The following CNOT2 variants were observed in gnomAD, a reference collection of about 807,000 sequenced individuals.
CNOT2 encodes the protein CCR4-NOT transcription complex subunit 2.
In CNOT2, 7 loss-of-function variants were observed where a neutral mutation model predicts 72.1. The observed-to-expected ratio is 0.10, with a 90% confidence interval of 0.06 to 0.18. The LOEUF (loss-of-function observed/expected upper bound fraction) is 0.18. CNOT2 is among the 10% of genes least tolerant of loss of function. CNOT2 has a pLI of 1.00. For missense variants in CNOT2, 345 were observed against 660.3 expected (o/e 0.52, Z 5.23); for synonymous variants, 196 against 225.6 (o/e 0.87, Z 1.17).
At chr12:70,327,254 G>A (rs1375515438) in intron 4 of CNOT2, among the ~76,000 whole-genome samples, 1 of 151,690 alleles carries the variant, frequency 6.6e-6, no homozygotes, top group African/African-American at 2.4e-5. Context: ...AAACTGATAG[G>A]TATGACGATG....
At chr12:70,265,615 C>CT (rs1425419526) in intron 1 of CNOT2, among the ~76,000 whole-genome samples, 1 of 151,522 alleles carries the variant, frequency 6.6e-6, no homozygotes, top group Admixed American at 6.6e-5. Context: ...TTGTTTAATT[C>CT]TTTTTTTCAA....
chr12:70,300,377 A>C (rs926349273), intron 2 of CNOT2, among the ~76,000 whole-genome samples: 1 of 152,190 alleles, frequency 6.6e-6, no homozygotes, highest in Non-Finnish European at 1.5e-5. Flanking sequence ...TCTTTAATCT[A>C]TCTTGAATTA....
chr12:70,270,331 C>T (rs766015348), intron 1 of CNOT2, among the ~76,000 whole-genome samples: 1 of 152,092 alleles, frequency 6.6e-6, no homozygotes, highest in African/African-American at 2.4e-5. Flanking sequence ...GCAAACAATA[C>T]GTTTGTCTGC....
intron 6 of CNOT2, 140 bp from the exon 7 acceptor site, chr12:70,332,627 G>T: frequency 8.4e-7 from 1 of 1,186,660 alleles, no homozygotes; most frequent in Non-Finnish European, 1.1e-6. Flanking sequence ...ATAAAGAATA[G>T]ATTCAGAAAA....
At chr12:70,253,216 T>C (rs1259330700) in intron 1 of CNOT2, among the ~76,000 whole-genome samples, 1 of 152,220 alleles carries the variant, frequency 6.6e-6, no homozygotes, top group African/African-American at 2.4e-5. Context: ...CAGACTGGTG[T>C]CTACCTTTTT....
intron 1 of CNOT2, among the ~76,000 whole-genome samples, chr12:70,275,005 A>G (rs1204524739): frequency 1.3e-5 from 2 of 152,092 alleles, no homozygotes; most frequent in Non-Finnish European, 2.9e-5. Context: ...TTCAGTTTAT[A>G]CTGGTAAATA....
At chr12:70,304,094 A>G (rs1202384650) in intron 2 of CNOT2, among the ~76,000 whole-genome samples, 1 of 151,284 alleles carries the variant, frequency 6.6e-6, no homozygotes, top group Non-Finnish European at 1.5e-5. Context: ...TATTCTAGTT[A>G]TCCATTCGTC....
intron 1 of CNOT2, among the ~76,000 whole-genome samples, chr12:70,269,658 C>G (rs945578180): frequency 6.6e-6 from 1 of 152,140 alleles, no homozygotes; most frequent in Non-Finnish European, 1.5e-5. Context: ...TCTGTGGTTT[C>G]TAGTGGTAAC....
At chr12:70,344,282 T>C (rs1565834704) in intron 14 of CNOT2, 54 bp downstream of exon 14, 4 of 1,075,858 alleles carry the variant, frequency 3.7e-6, no homozygotes, top group Non-Finnish European at 5.7e-6. Context: ...TTGACTATGC[T>C]GAAAACATCT....
In CNOT2 at chr12:70,300,717, C is replaced by T. The variant is rs1487770840; in HGVS notation, c.49-10178C>T. 3.9e-5 allele frequency among the ~76,000 whole-genome samples: 6 copies of T among 152,100 alleles called. No individual in the cohort carries two copies. The East Asian group carries it at 5.8e-4, about 15-fold the overall frequency. ...TGGCAATGAGGGCCCTTTTTTGGTG[C>T]CATATGAACTTTAAAGTAGTTTTTT... is the stretch of plus-strand genomic sequence containing the variant. On this transcript the variant is annotated intron_variant, in intron 2 of 15. Transcript: ENST00000229195.
intron 1 of CNOT2, among the ~76,000 whole-genome samples, chr12:70,248,009 G>A (rs1181806761): frequency 1.3e-5 from 2 of 152,196 alleles, no homozygotes; most frequent in African/African-American, 4.8e-5. Context: ...AATTAGGGAA[G>A]GATGTTAGTA....
chr12:70,290,957 C>G (rs946882890), intron 2 of CNOT2, among the ~76,000 whole-genome samples: 3 of 152,086 alleles, frequency 2.0e-5, no homozygotes, highest in Non-Finnish European at 4.4e-5. Context: ...ATACAGTGTG[C>G]AATATACACA....
intron 2 of CNOT2, among the ~76,000 whole-genome samples, chr12:70,286,181 C>G (rs1196274236): frequency 6.7e-6 from 1 of 148,690 alleles, no homozygotes; most frequent in African/African-American, 2.4e-5. Context: ...CTGAACAAAG[C>G]AGTATTCTAA....
At chr12:70,296,688 A>G (rs1486850418) in intron 2 of CNOT2, among the ~76,000 whole-genome samples, 3 of 150,778 alleles carry the variant, frequency 2.0e-5, no homozygotes, top group Admixed American at 6.6e-5. Flanking sequence ...TCCAGGTATT[A>G]ATATCTTTGT....
intron 8 of CNOT2, chr12:70,336,550 C>T (rs1434033976): frequency 6.6e-6 from 1 of 151,800 alleles, no homozygotes. Flanking sequence ...GATTTCTGTG[C>T]CATTCAGATA....
intron 1 of CNOT2, among the ~76,000 whole-genome samples, chr12:70,261,834 AT>A (rs768517174): frequency 4.9e-3 from 684 of 139,044 alleles, no homozygotes; most frequent in Middle Eastern, 0.014. Flanking sequence ...TGGGCCTGAG[AT>A]TTTTTTTTTT....
chr12:70,261,987 G>A (rs1467405839), intron 1 of CNOT2, among the ~76,000 whole-genome samples: 1 of 151,882 alleles, frequency 6.6e-6, no homozygotes, highest in African/African-American at 2.4e-5. Context: ...TATTTAATTT[G>A]TTAGTATTCA....
At chr12:70,276,261 A>G (rs76725273) in intron 1 of CNOT2, among the ~76,000 whole-genome samples, 4,371 of 152,102 alleles carry the variant, frequency 0.029, 136 homozygotes, top group African/African-American at 0.065. Flanking sequence ...TTAAAGATGT[A>G]TACAGCATTA....
intron 1 of CNOT2, among the ~76,000 whole-genome samples, chr12:70,271,375 CTTTTTTTT>C (rs11285130): frequency 1.1e-5 from 1 of 89,480 alleles, no homozygotes; most frequent in Non-Finnish European, 2.2e-5. Context: ...ATCACATTTC[CTTTTTTTT>C]TTTTTTTTTT....
Sources: allele counts gnomAD v4.1 joint callset (sites outside exome capture counted in the v4.1 genomes callset), GRCh38; gene constraint gnomAD v4.1.1; transcripts MANE v1.5; gene names NCBI Gene and HGNC (gene_info 2026-07-23, HGNC 2026-07-21).